Variants in TSPAN18 observed in about 807,000 individuals in gnomAD.
TSPAN18 encodes tetraspanin-18.
A neutral mutation model predicts 27.3 loss-of-function variants in TSPAN18; 14 were observed. The ratio of observed to expected loss-of-function variants is 0.51; its 90% CI spans 0.34 to 0.80. The LOEUF is 0.80. TSPAN18 is among the 30% of genes least tolerant of loss of function. TSPAN18 has a pLI of 0.01. For synonymous variants in TSPAN18, 143 were observed against 136.5 expected, an observed-to-expected ratio of 1.05 and a Z score of -0.33; for missense variants, 268 against 323.9, an observed-to-expected ratio of 0.83 and a Z score of 1.32.
At chr11:44,797,816 G>A (rs951749817) in intron 2 of TSPAN18, among the ~76,000 whole-genome samples, 1 of 152,150 alleles carries the variant, frequency 6.6e-6, no homozygotes, top group Non-Finnish European at 1.5e-5. Context: ...CAGGTGAAGC[G>A]ACCTCTGGCC....
chr11:44,812,327 G>A (rs1486057595), intron 2 of TSPAN18, among the ~76,000 whole-genome samples: 1 of 152,184 alleles, frequency 6.6e-6, no homozygotes, highest in South Asian at 2.1e-4. Context: ...TGCTCAGCGA[G>A]GTGCTTGGTG....
At chr11:44,747,544 G>A (rs1483239674) in intron 1 of TSPAN18, among the ~76,000 whole-genome samples, 1 of 152,122 alleles carries the variant, frequency 6.6e-6, no homozygotes, top group Non-Finnish European at 1.5e-5. Flanking sequence ...TTGCCATTAC[G>A]ACTGGTTATG....
chr11:44,800,240 A>G (rs1474868666), intron 2 of TSPAN18, among the ~76,000 whole-genome samples: 1 of 152,110 alleles, frequency 6.6e-6, no homozygotes, highest in Non-Finnish European at 1.5e-5. Flanking sequence ...CACAACATAC[A>G]TTCAGACCAC....
At chr11:44,858,730 G>A (rs1231401332) in intron 2 of TSPAN18, among the ~76,000 whole-genome samples, 1 of 152,164 alleles carries the variant, frequency 6.6e-6, no homozygotes, top group Non-Finnish European at 1.5e-5. Context: ...TGTGATGGTG[G>A]GGTACAGAGA....
Position 44,807,162 on chromosome 11 carries a change from A to AGCCTG in TSPAN18, c.-153+42653_-153+42657dup, listed in dbSNP as rs1234087488. 8.8e-4 allele frequency among the ~76,000 whole-genome samples: 121 copies of AGCCTG among 137,758 alleles called. 1 individual carries two copies. The highest frequency in any genetic ancestry group is 3.2e-3 in the African/African-American group (115 of 36,090). 90.4% of individuals were successfully genotyped at this position (137,758 alleles called of 152,430 possible). A position where few individuals can be genotyped will look rare whatever the true frequency, so the allele number is the denominator to read the frequency against. On this transcript the variant is annotated intron_variant, in intron 2 of 9. Transcript: ENST00000520358. ...CACTTGAGGCCAGGAATTGGCACCC[A>AGCCTG]GCCTGGCTAAGTAGCAAGACCCTGT...
At chr11:44,748,691 C>T (rs1855139377) in intron 1 of TSPAN18, among the ~76,000 whole-genome samples, 1 of 152,192 alleles carries the variant, frequency 6.6e-6, no homozygotes, top group African/African-American at 2.4e-5. Flanking sequence ...TAGCACCGCA[C>T]TTTTATTCTT....
At chr11:44,777,234 T>G (rs1417494635) in intron 2 of TSPAN18, among the ~76,000 whole-genome samples, 2 of 152,174 alleles carry the variant, frequency 1.3e-5, no homozygotes, top group Non-Finnish European at 2.9e-5. Flanking sequence ...GAGGTGTTTG[T>G]TTTTTTCCAT....
In TSPAN18 at chr11:44,869,836, A is replaced by G. The variant is rs1455434211; in HGVS notation, c.-11+9367A>G. Among the ~76,000 whole-genome samples the G allele has an allele frequency of 2.0e-5, 3 of 152,116 alleles. No homozygotes were observed. The East Asian group carries it at 5.8e-4, about 29-fold the overall frequency. On this transcript the variant is annotated intron_variant, in intron 3 of 9. Coordinates refer to ENST00000520358, the MANE Select transcript of TSPAN18 (RefSeq NM_130783.5). ...TCCTCACATTATCAGGCTTTGTATC[A>G]GGGTTTTAATGAGGTTGGGGTGGGT... is the stretch of plus-strand genomic sequence containing the variant.
At chr11:44,786,431 C>T (rs774512390) in intron 2 of TSPAN18, among the ~76,000 whole-genome samples, 3 of 152,118 alleles carry the variant, frequency 2.0e-5, no homozygotes, top group South Asian at 2.1e-4. Flanking sequence ...TGAAAGCTGG[C>T]GTTGGGTAGG....
intron 1 of TSPAN18, among the ~76,000 whole-genome samples, chr11:44,729,567 A>G (rs1012757353): frequency 7.9e-5 from 12 of 152,040 alleles, no homozygotes; most frequent in Non-Finnish European, 2.9e-5. Flanking sequence ...AGTCTTGGGC[A>G]CTCTGTTTCC....
chr11:44,738,058 C>T (rs1854840883), intron 1 of TSPAN18, among the ~76,000 whole-genome samples: 1 of 152,002 alleles, frequency 6.6e-6, no homozygotes, highest in Non-Finnish European at 1.5e-5. Context: ...ATTTCCTCCA[C>T]TTTGGTGTAA....
chr11:44,834,245 C>T (rs956533377), intron 2 of TSPAN18, among the ~76,000 whole-genome samples: 3 of 152,070 alleles, frequency 2.0e-5, no homozygotes, highest in African/African-American at 4.8e-5. Context: ...GCCTGCACCT[C>T]GGGCACCTCT....
chr11:44,848,599 G>A (rs1857532968), intron 2 of TSPAN18, among the ~76,000 whole-genome samples: 1 of 152,170 alleles, frequency 6.6e-6, no homozygotes, highest in Non-Finnish European at 1.5e-5. Flanking sequence ...TGAGGAGGGG[G>A]CGGGGGAAGG....
At chr11:44,915,246 G>A (rs1300784716) in intron 5 of TSPAN18, among the ~76,000 whole-genome samples, 27 of 152,184 alleles carry the variant, frequency 1.8e-4, no homozygotes, top group Admixed American at 1.8e-3. Context: ...AATGGAAGCG[G>A]ATGGCCATCC....
At position 44,876,241 on chromosome 11, in the gene TSPAN18, G is replaced by T. The variant is rs560517190; in HGVS notation, c.-11+15772G>T. ...CTGGCTCATTCCCCAGATGAACAAA[G>T]GTGGGTCAATGCTGTCTCTGAGAGG... is the stretch of plus-strand genomic sequence containing the variant. On this transcript the variant is annotated intron_variant, in intron 3 of 9. Coordinates refer to ENST00000520358, the MANE Select transcript of TSPAN18 (RefSeq NM_130783.5). Among the ~76,000 whole-genome samples, 4 of 152,338 alleles carry T rather than the reference G, an allele frequency of 2.6e-5. No individual in the cohort carries two copies. The East Asian group carries it at 5.8e-4, about 22-fold the overall frequency.
rs1400028426 is a variant in TSPAN18, at chr11:44,834,294, C to G, written c.-152-26034C>G. ...GCCAGTTCCTTTCGGCCCCTGGAGC[C>G]TCTCTCCTCTGCTTAGAAAACAAAT... On this transcript the variant is annotated intron_variant, in intron 2 of 9. Transcript: ENST00000520358. 2.6e-5 allele frequency among the ~76,000 whole-genome samples: 4 copies of G among 152,204 alleles called. No homozygotes were observed. The East Asian group carries it at 7.7e-4, about 29-fold the overall frequency.
At chr11:44,853,407 A>T (rs1857652163) in intron 2 of TSPAN18, among the ~76,000 whole-genome samples, 1 of 152,118 alleles carries the variant, frequency 6.6e-6, no homozygotes, top group African/African-American at 2.4e-5. Context: ...AGTCTGGGAG[A>T]CTGAATGACT....
chr11:44,909,601 G>T, intron 4 of TSPAN18, 104 bp from the exon 5 acceptor site: 1 of 1,214,242 alleles, frequency 8.2e-7, no homozygotes, highest in Non-Finnish European at 1.1e-6. Context: ...CCTAGTGCTT[G>T]ATGCCTCTGA....
chr11:44,905,887 T>C (rs1373756271), intron 3 of TSPAN18, among the ~76,000 whole-genome samples: 1 of 152,162 alleles, frequency 6.6e-6, no homozygotes, highest in African/African-American at 2.4e-5. Context: ...CCCATCTCGC[T>C]GGCACCAAGC....
Sources: allele counts gnomAD v4.1 joint callset (sites outside exome capture counted in the v4.1 genomes callset), GRCh38; gene constraint gnomAD v4.1.1; transcripts MANE v1.5; gene names NCBI Gene and HGNC (gene_info 2026-07-23, HGNC 2026-07-21).